Variants in PRKG1 observed in about 807,000 individuals in gnomAD.
The protein encoded by PRKG1 is protein kinase cGMP-dependent 1.
A neutral mutation model predicts 88.1 loss-of-function variants in PRKG1; 35 were observed. That is an observed-to-expected ratio of 0.40 (90% CI 0.30 to 0.53). The LOEUF is 0.53. PRKG1 is among the 20% of genes least tolerant of loss of function. The pLI is 0.59. For missense variants in PRKG1, 540 were observed against 839.8 expected (o/e 0.64, Z 4.41); for synonymous variants, 303 against 292.5 (o/e 1.04, Z -0.37).
chr10:52,135,358 T>A (rs1837379971), intron 8 of PRKG1, among the ~76,000 whole-genome samples: 1 of 152,182 alleles, frequency 6.6e-6, no homozygotes. Flanking sequence ...ATGCTGGCAC[T>A]GGTTCACTGA....
chr10:51,610,543 A>G (rs1046950993), intron 3 of PRKG1, among the ~76,000 whole-genome samples: 7 of 152,120 alleles, frequency 4.6e-5, no homozygotes, highest in Admixed American at 2.6e-4. Flanking sequence ...TCATTTGTTG[A>G]TAGACACTTA....
At chr10:52,123,256 A>C (rs1847861284) in intron 7 of PRKG1, among the ~76,000 whole-genome samples, 1 of 152,196 alleles carries the variant, frequency 6.6e-6, no homozygotes, top group Non-Finnish European at 1.5e-5. Context: ...TCTCCCGTGG[A>C]TATAGATCGA....
At chr10:51,730,559 A>G (rs967835349) in intron 3 of PRKG1, among the ~76,000 whole-genome samples, 1 of 152,108 alleles carries the variant, frequency 6.6e-6, no homozygotes, top group African/African-American at 2.4e-5. Context: ...GAAACTGTGT[A>G]TGTATTGCAA....
At chr10:51,335,748 C>T (rs1045675004) in intron 2 of PRKG1, among the ~76,000 whole-genome samples, 11 of 152,082 alleles carry the variant, frequency 7.2e-5, no homozygotes, top group Admixed American at 5.9e-4. Flanking sequence ...GAGCTGTCAC[C>T]TTACTTTCAG....
chr10:52,097,059 T>G (rs1847189429), intron 7 of PRKG1, among the ~76,000 whole-genome samples: 2 of 152,104 alleles, frequency 1.3e-5, no homozygotes, highest in African/African-American at 4.8e-5. Flanking sequence ...TAAATAAAAT[T>G]GTCAAGTTAT....
chr10:51,442,339 A>G (rs1000292058), intron 2 of PRKG1, among the ~76,000 whole-genome samples: 2 of 151,914 alleles, frequency 1.3e-5, no homozygotes, highest in Admixed American at 1.3e-4. Flanking sequence ...TCTATTTAGA[A>G]TTTGTCTAAT....
intron 3 of PRKG1, among the ~76,000 whole-genome samples, chr10:51,562,700 G>A (rs1837499663): frequency 1.3e-5 from 2 of 151,954 alleles, no homozygotes; most frequent in South Asian, 4.1e-4. Context: ...GGGTATTTTT[G>A]CCTATTTTGA....
intron 1 of PRKG1, among the ~76,000 whole-genome samples, chr10:51,042,546 C>T (rs1443665392): frequency 6.6e-6 from 1 of 152,128 alleles, no homozygotes; most frequent in Non-Finnish European, 1.5e-5. Flanking sequence ...AATTAATAAA[C>T]AGAGAATGTT....
chr10:51,565,334 C>A (rs536616791), intron 3 of PRKG1, among the ~76,000 whole-genome samples: 1 of 152,038 alleles, frequency 6.6e-6, no homozygotes, highest in South Asian at 2.1e-4. Context: ...TGAGCATATA[C>A]CCCTCTTTCC....
chr10:51,541,866 A>T (rs1842311634), intron 3 of PRKG1, among the ~76,000 whole-genome samples: 1 of 152,216 alleles, frequency 6.6e-6, no homozygotes, highest in African/African-American at 2.4e-5. Flanking sequence ...TTTTAAAATA[A>T]TGTGCCTTAT....
chr10:51,036,020 T>C (rs1843349497), intron 1 of PRKG1, among the ~76,000 whole-genome samples: 1 of 152,188 alleles, frequency 6.6e-6, no homozygotes, highest in South Asian at 2.1e-4. Flanking sequence ...AGTTATCCCA[T>C]GTTTATTCTT....
At chr10:52,204,433 C>T (rs138796689) in intron 9 of PRKG1, among the ~76,000 whole-genome samples, 31 of 152,054 alleles carry the variant, frequency 2.0e-4, no homozygotes, top group African/African-American at 6.3e-4. Context: ...CTTTATAATG[C>T]GTTGTGGGAA....
intron 14 of PRKG1, among the ~76,000 whole-genome samples, chr10:52,282,534 T>C (rs1417897621): frequency 1.3e-5 from 2 of 152,134 alleles, no homozygotes; most frequent in Non-Finnish European, 2.9e-5. Context: ...GGTCTCATTA[T>C]TGCTACTTCT....
intron 1 of PRKG1, among the ~76,000 whole-genome samples, chr10:51,115,845 A>AT: frequency 6.6e-6 from 1 of 151,578 alleles, no homozygotes; most frequent in Non-Finnish European, 1.5e-5. Flanking sequence ...CGAAAAAAAA[A>AT]AAAAAGGAAT....
intron 7 of PRKG1, among the ~76,000 whole-genome samples, chr10:52,132,891 T>A (rs1837304594): frequency 6.6e-6 from 1 of 152,094 alleles, no homozygotes. Flanking sequence ...CAATGTAAAA[T>A]AAGCACACTG....
At chr10:51,618,815 C>A (rs1465744322) in intron 3 of PRKG1, among the ~76,000 whole-genome samples, 1 of 152,050 alleles carries the variant, frequency 6.6e-6, no homozygotes, top group Non-Finnish European at 1.5e-5. Flanking sequence ...GTCACCCAGG[C>A]TGGAGTGTAG....
At chr10:52,264,475 C>T (rs982562534) in intron 10 of PRKG1, among the ~76,000 whole-genome samples, 60 of 151,958 alleles carry the variant, frequency 3.9e-4, no homozygotes, top group African/African-American at 1.2e-3. Context: ...TAAGTTATCA[C>T]AATTTATATT....
chr10:51,747,123 A>C (rs1235820551), intron 3 of PRKG1, among the ~76,000 whole-genome samples: 2 of 152,150 alleles, frequency 1.3e-5, no homozygotes, highest in African/African-American at 4.8e-5. Context: ...AAGAGTGGAG[A>C]GGAGAGGAAA....
chr10:51,214,631 C>T (rs530855489), intron 2 of PRKG1, among the ~76,000 whole-genome samples: 2 of 152,028 alleles, frequency 1.3e-5, no homozygotes, highest in Admixed American at 1.3e-4. Context: ...TCGCTTGCCA[C>T]ACCCCCAGCT....
Sources: allele counts gnomAD v4.1 joint callset (sites outside exome capture counted in the v4.1 genomes callset), GRCh38; gene constraint gnomAD v4.1.1; transcripts MANE v1.5; gene names NCBI Gene and HGNC (gene_info 2026-07-23, HGNC 2026-07-21).